CHSY3: variants seen among roughly 807,000 people sequenced by gnomAD.
CHSY3 encodes the protein chondroitin sulfate synthase 3.
CHSY3 carries 35 observed loss-of-function variants against 67.2 expected under a neutral mutation model. That is an observed-to-expected ratio of 0.52 (90% CI 0.40 to 0.69). The LOEUF (loss-of-function observed/expected upper bound fraction) is 0.69, where lower values mean the gene tolerates loss of function less well. Among genes scored for constraint, CHSY3 ranks in the 30% least tolerant of loss-of-function variants. The pLI is 0.00. For missense variants in CHSY3, 1,069 were observed against 1,138.5 expected (o/e 0.94, Z 0.88); for synonymous variants, 474 against 434.7 (o/e 1.09, Z -1.12).
chr5:130,129,295 G>C (rs550803916), intron 2 of CHSY3, among the ~76,000 whole-genome samples: 1 of 152,194 alleles, frequency 6.6e-6, no homozygotes, highest in South Asian at 2.1e-4. Context: ...TAAAAGGATT[G>C]GTTTCACAAA....
At chr5:130,162,863 T>A (rs943774447) in intron 2 of CHSY3, among the ~76,000 whole-genome samples, 1 of 152,172 alleles carries the variant, frequency 6.6e-6, no homozygotes, top group Non-Finnish European at 1.5e-5. Flanking sequence ...TGGAATAAAT[T>A]ACATAGCCGC....
chr5:130,176,681 A>G (rs900839496), intron 2 of CHSY3, among the ~76,000 whole-genome samples: 27 of 152,236 alleles, frequency 1.8e-4, no homozygotes, highest in South Asian at 8.3e-4. Context: ...GGATGAGTTC[A>G]TGTCCTTTGC....
intron 2 of CHSY3, among the ~76,000 whole-genome samples, chr5:130,070,556 A>G (rs1283539892): frequency 6.6e-6 from 1 of 152,132 alleles, no homozygotes; most frequent in Non-Finnish European, 1.5e-5. Context: ...TCAATTAACT[A>G]TAGAAATCAT....
chr5:130,033,304 C>T (rs1242661450), intron 2 of CHSY3, among the ~76,000 whole-genome samples: 1 of 152,104 alleles, frequency 6.6e-6, no homozygotes, highest in Non-Finnish European at 1.5e-5. Flanking sequence ...TCAACCCCGG[C>T]ATATATACAA....
At chr5:130,098,213 T>A (rs1014205464) in intron 2 of CHSY3, among the ~76,000 whole-genome samples, 2 of 152,212 alleles carry the variant, frequency 1.3e-5, no homozygotes, top group African/African-American at 4.8e-5. Context: ...TCTTCCCTCC[T>A]GCCTTACCCC....
intron 2 of CHSY3, among the ~76,000 whole-genome samples, chr5:130,120,193 A>C (rs149171359): frequency 5.0e-4 from 76 of 152,308 alleles, no homozygotes; most frequent in African/African-American, 1.6e-3. Context: ...AGAGTCTTCC[A>C]GCCTTGCTGC....
chr5:130,021,603 A>G (rs1056838975), intron 2 of CHSY3, among the ~76,000 whole-genome samples: 1 of 152,096 alleles, frequency 6.6e-6, no homozygotes, highest in Non-Finnish European at 1.5e-5. Flanking sequence ...ACACACATAC[A>G]TATATACAAA....
intron 2 of CHSY3, among the ~76,000 whole-genome samples, chr5:129,969,692 A>G (rs542760778): frequency 6.6e-6 from 1 of 151,994 alleles, no homozygotes; most frequent in African/African-American, 2.4e-5. Flanking sequence ...TAGAAAAAAT[A>G]CTTTTCTCCC....
chr5:129,999,124 C>CTTTTTTTTTTTTTTTTTTTTT (rs376975711), intron 2 of CHSY3, among the ~76,000 whole-genome samples: 1 of 141,724 alleles, frequency 7.1e-6, no homozygotes, highest in Non-Finnish European at 1.5e-5. Flanking sequence ...TCCCCCCTCC[C>CTTTTTTTTTTTTTTTTTTTTT]TTTTTTTTTT....
intron 2 of CHSY3, among the ~76,000 whole-genome samples, chr5:130,017,808 A>C (rs1323400151): frequency 2.0e-5 from 3 of 152,076 alleles, no homozygotes; most frequent in African/African-American, 4.8e-5. Context: ...CATCATGGAG[A>C]TATTAAGCAG....
At chr5:129,914,978 G>A (rs1561452454) in intron 2 of CHSY3, among the ~76,000 whole-genome samples, 2 of 152,236 alleles carry the variant, frequency 1.3e-5, no homozygotes, top group South Asian at 4.2e-4. Flanking sequence ...CTAATTTCCT[G>A]AAATAATTCC....
intron 2 of CHSY3, among the ~76,000 whole-genome samples, chr5:130,153,317 A>G (rs1769281554): frequency 6.6e-6 from 1 of 151,824 alleles, no homozygotes; most frequent in South Asian, 2.1e-4. Flanking sequence ...AAAACATACG[A>G]CATAATTCAC....
At chr5:130,095,944 G>T (rs1365073828) in intron 2 of CHSY3, among the ~76,000 whole-genome samples, 2 of 152,166 alleles carry the variant, frequency 1.3e-5, no homozygotes, top group African/African-American at 4.8e-5. Flanking sequence ...ATAATGCATG[G>T]TCTCAATACA....
At chr5:129,996,389 C>A (rs1763540752) in intron 2 of CHSY3, among the ~76,000 whole-genome samples, 1 of 152,130 alleles carries the variant, frequency 6.6e-6, no homozygotes. Context: ...CAAAAAATGG[C>A]ACAAGAAGCC....
chr5:130,006,205 C>T (rs922288237), intron 2 of CHSY3, among the ~76,000 whole-genome samples: 32 of 152,006 alleles, frequency 2.1e-4, no homozygotes, highest in Admixed American at 3.3e-4. Flanking sequence ...GAACATTTTC[C>T]AAGCAGTAGG....
intron 2 of CHSY3, among the ~76,000 whole-genome samples, chr5:129,980,751 T>C (rs1219948299): frequency 6.6e-6 from 1 of 152,190 alleles, no homozygotes. Flanking sequence ...TGGAGTTTTG[T>C]GTTTTACATG....
chr5:130,126,230 G>A (rs1207546375), intron 2 of CHSY3, among the ~76,000 whole-genome samples: 1 of 151,600 alleles, frequency 6.6e-6, no homozygotes, highest in Admixed American at 6.6e-5. Context: ...AATGGCCTCT[G>A]ATGGGCTTAT....
chr5:130,040,235 G>A (rs1764970208), intron 2 of CHSY3, among the ~76,000 whole-genome samples: 1 of 152,022 alleles, frequency 6.6e-6, no homozygotes, highest in Non-Finnish European at 1.5e-5. Context: ...CCACTAATCA[G>A]TGACCATTTT....
intron 2 of CHSY3, among the ~76,000 whole-genome samples, chr5:130,172,005 G>A (rs1217913212): frequency 6.6e-6 from 1 of 152,132 alleles, no homozygotes; most frequent in Non-Finnish European, 1.5e-5. Context: ...GCTGTGTTCA[G>A]TGCTCTCAAT....
Sources: gnomAD v4.1 joint callset for allele counts (sites outside exome capture counted in the v4.1 genomes callset) on GRCh38, gnomAD v4.1.1 for gene constraint, MANE v1.5 for transcripts, NCBI Gene and HGNC (gene_info 2026-07-23, HGNC 2026-07-21) for gene names.